SH3RF3: variants seen among roughly 807,000 people sequenced by gnomAD.
SH3RF3 encodes E3 ubiquitin-protein ligase SH3RF3.
A neutral mutation model predicts 66.3 loss-of-function variants in SH3RF3; 29 were observed. The ratio of observed to expected loss-of-function variants is 0.44; its 90% CI spans 0.33 to 0.60. The LOEUF is 0.60. Ranked by LOEUF, SH3RF3 falls within the 20% of genes least tolerant of loss-of-function variation. The pLI is 0.04. For missense variants in SH3RF3, 1,194 were observed against 1,190.9 expected (o/e 1.00, Z -0.04); for synonymous variants, 583 against 532.0 (o/e 1.10, Z -1.32).
chr2:109,325,331 C>CTTTTTTTTTTTTTTT (rs11298946), intron 1 of SH3RF3, among the ~76,000 whole-genome samples: 3 of 66,272 alleles, frequency 4.5e-5, no homozygotes, highest in African/African-American at 1.4e-4. Flanking sequence ...TTCTTTCTTT[C>CTTTTTTTTTTTTTTT]TTTTTTTTTT....
rs1465772647 is a variant in SH3RF3, at chr2:109,129,468, G to A, written c.-73G>A. 1 of 1,494,568 alleles carries A rather than the reference G, an allele frequency of 6.7e-7. No individual in the cohort carries two copies. The highest frequency in any genetic ancestry group is 8.9e-7 in the Non-Finnish European group (1 of 1,127,392). The allele number at this position is 1,494,568 out of a possible 1,614,324, so 92.6% of individuals were successfully genotyped here. A position where few individuals can be genotyped will look rare whatever the true frequency, so the allele number is the denominator to read the frequency against. ...GCCCGGCTCCCCAGTCCTGATGCTG[G>A]CTGCCGGTGGCGGGCTCCACGCCGG... On this transcript the variant is annotated 5_prime_UTR_variant, in exon 1 of 10. Transcript: ENST00000309415.
chr2:109,473,290 G>C (rs1472963915), intron 8 of SH3RF3, among the ~76,000 whole-genome samples: 1 of 152,228 alleles, frequency 6.6e-6, no homozygotes, highest in African/African-American at 2.4e-5. Flanking sequence ...GGGCCCTGCA[G>C]AGCCAGAGCC....
At chr2:109,356,877 C>T (rs1682954054) in intron 2 of SH3RF3, among the ~76,000 whole-genome samples, 1 of 152,124 alleles carries the variant, frequency 6.6e-6, no homozygotes, top group Non-Finnish European at 1.5e-5. Context: ...CCCCACAGCG[C>T]TCTCACTTCC....
intron 1 of SH3RF3, among the ~76,000 whole-genome samples, chr2:109,331,180 G>T (rs1435187771): frequency 6.6e-6 from 1 of 152,162 alleles, no homozygotes; most frequent in African/African-American, 2.4e-5. Context: ...GTTCCCTGGA[G>T]CATGGGGAAT....
intron 1 of SH3RF3, among the ~76,000 whole-genome samples, chr2:109,346,312 A>G (rs1682695736): frequency 1.3e-5 from 2 of 152,200 alleles, no homozygotes; most frequent in African/African-American, 2.4e-5. Flanking sequence ...TTGCTGAAAC[A>G]TAAATGTAGA....
chr2:109,288,938 G>A (rs1413466711), intron 1 of SH3RF3, among the ~76,000 whole-genome samples: 1 of 152,190 alleles, frequency 6.6e-6, no homozygotes, highest in Non-Finnish European at 1.5e-5. Context: ...CCAACCCATA[G>A]CTATGAATAA....
chr2:109,206,563 G>T (rs2105090379), intron 1 of SH3RF3, among the ~76,000 whole-genome samples: 1 of 148,314 alleles, frequency 6.7e-6, no homozygotes, highest in African/African-American at 2.5e-5. Flanking sequence ...AATCCCAGCA[G>T]TTTGGGAGGT....
intron 3 of SH3RF3, among the ~76,000 whole-genome samples, chr2:109,379,779 G>A (rs1315348574): frequency 1.3e-5 from 2 of 152,106 alleles, no homozygotes; most frequent in Non-Finnish European, 2.9e-5. Flanking sequence ...TCCTGCAGGT[G>A]AAGCCCGGTC....
intron 8 of SH3RF3, among the ~76,000 whole-genome samples, chr2:109,455,457 G>T (rs1265910621): frequency 6.6e-6 from 1 of 152,222 alleles, no homozygotes; most frequent in Non-Finnish European, 1.5e-5. Flanking sequence ...CCTGGTCTGG[G>T]GCGTGGAGTC....
intron 4 of SH3RF3, among the ~76,000 whole-genome samples, chr2:109,413,577 G>A (rs946209438): frequency 2.6e-5 from 4 of 152,126 alleles, no homozygotes; most frequent in African/African-American, 9.7e-5. Context: ...GCTCTAGAAT[G>A]GAGAACAGCT....
rs114507647 is a variant in SH3RF3, at chr2:109,318,044, G to A, written c.574-29630G>A. 8.5e-3 allele frequency among the ~76,000 whole-genome samples: 1,276 copies of A among 150,388 alleles called. 15 individuals carry two copies. Among genetic ancestry groups the A allele is most frequent in the African/African-American group, 0.03 (1,219 of 40,614 alleles). ...AAAGCAAAGGGCAGGGAGGATCATCGTGATCCTTTCTCTCCTCTGTTTTTC... is the reference window on the plus strand; with the variant it reads ...AAAGCAAAGGGCAGGGAGGATCATCATGATCCTTTCTCTCCTCTGTTTTTC... On this transcript the variant is annotated intron_variant, in intron 1 of 9. Transcript: ENST00000309415.
At chr2:109,242,263 A>G (rs527778170) in intron 1 of SH3RF3, among the ~76,000 whole-genome samples, 3 of 152,278 alleles carry the variant, frequency 2.0e-5, no homozygotes, top group East Asian at 1.9e-4. Context: ...GTCCTGAGGC[A>G]TGGGTTCCCC....
chr2:109,316,730 T>C (rs1000572615), intron 1 of SH3RF3, among the ~76,000 whole-genome samples: 4 of 152,208 alleles, frequency 2.6e-5, no homozygotes, highest in Non-Finnish European at 4.4e-5. Context: ...AAATCTATAA[T>C]GCGATGTATC....
chr2:109,501,367 A>G (rs1364401975), intron 9 of SH3RF3, 136 bp from the exon 10 acceptor site: 2 of 509,034 alleles, frequency 3.9e-6, no homozygotes, highest in South Asian at 3.5e-5. Flanking sequence ...AATTAAAAAT[A>G]AAGATAAATA....
intron 1 of SH3RF3, among the ~76,000 whole-genome samples, chr2:109,280,744 A>G (rs761014278): frequency 6.6e-6 from 1 of 152,218 alleles, no homozygotes; most frequent in African/African-American, 2.4e-5. Flanking sequence ...TCACCCGATG[A>G]GGGCTGTGAG....
At chr2:109,314,929 C>G (rs1457776288) in intron 1 of SH3RF3, among the ~76,000 whole-genome samples, 1 of 152,200 alleles carries the variant, frequency 6.6e-6, no homozygotes, top group Admixed American at 6.5e-5. Context: ...AACTTCGTCT[C>G]CCCGTATGAA....
At chr2:109,271,981 G>A (rs1160355747) in intron 1 of SH3RF3, among the ~76,000 whole-genome samples, 1 of 152,184 alleles carries the variant, frequency 6.6e-6, no homozygotes, top group Admixed American at 6.5e-5. Flanking sequence ...TTTTCAGAAT[G>A]GGGTCTTTGG....
At chr2:109,400,401 TATACAC>T (rs1211118886) in intron 4 of SH3RF3, among the ~76,000 whole-genome samples, 1 of 151,910 alleles carries the variant, frequency 6.6e-6, no homozygotes, top group Non-Finnish European at 1.5e-5. Flanking sequence ...TGCACGCACA[TATACAC>T]ATATACACCT....
rs1680019798 is a variant in SH3RF3 at position 109,249,532 on chromosome 2, T to TTTCTTTTTCTTTCTTTCTTTCC, written c.574-98139_574-98138insTTTTTCTTTCTTTCTTTCCTTC. On this transcript the variant is annotated intron_variant, in intron 1 of 9. Coordinates refer to ENST00000309415, the MANE Select transcript of SH3RF3 (RefSeq NM_001099289.3). Reference sequence around the variant, plus strand: ...TTCATTCTTTCTTTTTCTTTCTTTCTTTCCTTCCTTCCTTCCTTCCTTCCT... The same window carrying TTTCTTTTTCTTTCTTTCTTTCC: ...TTCATTCTTTCTTTTTCTTTCTTTCTTTCTTTTTCTTTCTTTCTTTCCTTCCTTCCTTCCTTCCTTCCTTCCT... Among the ~76,000 whole-genome samples the TTTCTTTTTCTTTCTTTCTTTCC allele has an allele frequency of 1.3e-3, 122 of 96,484 alleles. 2 individuals are homozygous for TTTCTTTTTCTTTCTTTCTTTCC. Among genetic ancestry groups the TTTCTTTTTCTTTCTTTCTTTCC allele is most frequent in the Admixed American group, 1.7e-3 (15 of 9,024 alleles). The allele number at this position is 96,484 out of a possible 152,430, so 63.3% of individuals were successfully genotyped here.
Sources: gnomAD v4.1 joint callset for allele counts (sites outside exome capture counted in the v4.1 genomes callset) on GRCh38, gnomAD v4.1.1 for gene constraint, MANE v1.5 for transcripts, NCBI Gene and HGNC (gene_info 2026-07-23, HGNC 2026-07-21) for gene names.